Variants in FRMPD4 observed in about 807,000 individuals in gnomAD.
The protein encoded by FRMPD4 is FERM and PDZ domain-containing protein 4.
FRMPD4 carries 22 observed loss-of-function variants against 94.1 expected under a neutral mutation model. The observed-to-expected ratio is 0.23, with a 90% CI of 0.17 to 0.33. The LOEUF (loss-of-function observed/expected upper bound fraction) is 0.33. Ranked by LOEUF, FRMPD4 falls within the 10% of genes least tolerant of loss-of-function variation. FRMPD4 has a pLI of 1.00. For missense variants in FRMPD4, 1,111 were observed against 1,339.9 expected (o/e 0.83, Z 2.67); for synonymous variants, 631 against 548.6 (o/e 1.15, Z -2.10).
At chrX:12,170,796 G>A (rs1346505089) in intron 1 of FRMPD4, among the ~76,000 whole-genome samples, 2 of 112,869 alleles carry the variant, frequency 1.8e-5, no homozygotes, top group African/African-American at 3.2e-5. Context: ...GAACTCTGGA[G>A]CTTAACTCAT....
chrX:11,900,940 C>T (rs1234370992), intron 3 of FRMPD4, among the ~76,000 whole-genome samples: 1 of 111,265 alleles, frequency 9.0e-6, no homozygotes, highest in African/African-American at 3.3e-5. Flanking sequence ...TCAAGTTGTT[C>T]CCCCATGGCC....
intron 1 of FRMPD4, among the ~76,000 whole-genome samples, chrX:12,274,730 C>T (rs904482534): frequency 5.3e-5 from 6 of 112,467 alleles, no homozygotes; most frequent in Non-Finnish European, 7.5e-5. Context: ...GTACAGAAGG[C>T]GGGGCGCGGT....
intron 2 of FRMPD4, among the ~76,000 whole-genome samples, chrX:12,557,011 T>C (rs765763799): frequency 2.7e-5 from 3 of 111,620 alleles, no homozygotes; most frequent in Non-Finnish European, 5.6e-5. Flanking sequence ...TATCATATTA[T>C]CCAGGCTGGT....
At position 12,600,868 on chromosome X, in the gene FRMPD4, C is replaced by A. The variant is rs775103253; in HGVS notation, c.159-8853C>A. ...TCTGGTATCCTGTAGGGCTAGACAA[C>A]CATAGCATTTTTCTTGTTTAGAGTG... On this transcript the variant is annotated intron_variant, in intron 2 of 16. Transcript: ENST00000675598. Among the ~76,000 whole-genome samples the A allele has an allele frequency of 2.7e-5, 3 of 111,834 alleles. No homozygotes were observed. The East Asian group carries it at 8.3e-4, about 31-fold the overall frequency.
chrX:12,561,700 A>G (rs868128437), intron 2 of FRMPD4, among the ~76,000 whole-genome samples: 2 of 112,455 alleles, frequency 1.8e-5, no homozygotes, highest in Middle Eastern at 9.3e-3. Context: ...AATAGTTAAT[A>G]TTTATCTGGT....
chrX:12,015,923 A>G (rs776824740), intron 3 of FRMPD4, among the ~76,000 whole-genome samples: 2 of 112,300 alleles, frequency 1.8e-5, no homozygotes, highest in East Asian at 5.6e-4. Flanking sequence ...TCACAGAGCC[A>G]CCATACTCAT....
intron 3 of FRMPD4, among the ~76,000 whole-genome samples, chrX:12,126,119 G>A (rs1325843312): frequency 4.5e-5 from 5 of 112,284 alleles, no homozygotes; most frequent in Non-Finnish European, 9.4e-5. Context: ...ATGGCAGACA[G>A]AGCCTCAGTA....
chrX:12,233,421 C>G (rs1349266813), intron 1 of FRMPD4, among the ~76,000 whole-genome samples: 1 of 111,643 alleles, frequency 9.0e-6, no homozygotes, highest in Non-Finnish European at 1.9e-5. Context: ...TACATTTTAT[C>G]TGGCAACCCT....
chrX:12,591,818 C>A (rs189442566), intron 2 of FRMPD4, among the ~76,000 whole-genome samples: 8 of 111,916 alleles, frequency 7.1e-5, no homozygotes, highest in Non-Finnish European at 1.5e-4. Flanking sequence ...CTCCTTCTTG[C>A]ACTTGTTGAG....
chrX:11,872,611 A>G (rs775808968), intron 2 of FRMPD4, among the ~76,000 whole-genome samples: 8 of 112,228 alleles, frequency 7.1e-5, no homozygotes, highest in Admixed American at 5.7e-4. Flanking sequence ...TAGAGCCAAC[A>G]CTTCCTCAAT....
chrX:11,843,561 C>A (rs1198939126), intron 1 of FRMPD4, among the ~76,000 whole-genome samples: 1 of 109,940 alleles, frequency 9.1e-6, no homozygotes, highest in African/African-American at 3.3e-5. Context: ...CCTTTCTTTT[C>A]TTTCCTTTTT....
chrX:11,827,206 T>C (rs1391061715), intron 1 of FRMPD4, among the ~76,000 whole-genome samples: 1 of 106,559 alleles, frequency 9.4e-6, no homozygotes, highest in Non-Finnish European at 1.9e-5. Context: ...ATACCATATA[T>C]AAATTACATA....
chrX:12,331,441 C>T (rs1309209694), intron 1 of FRMPD4, among the ~76,000 whole-genome samples: 1 of 102,236 alleles, frequency 9.8e-6, no homozygotes, highest in Non-Finnish European at 2.0e-5. Flanking sequence ...ATGTTGGTAA[C>T]AAATAAAAGT....
In FRMPD4 at chrX:12,440,995, T is replaced by TCTAA. The variant is rs1220297723; in HGVS notation, c.42-57681_42-57678dup. Among the ~76,000 whole-genome samples the TCTAA allele has an allele frequency of 6.2e-5, 7 of 112,354 alleles. No homozygotes were observed. In the Admixed American group the frequency reaches 6.6e-4, roughly 11 times the overall value. On this transcript the variant is annotated intron_variant, in intron 1 of 16. Coordinates refer to ENST00000675598, the MANE Select transcript of FRMPD4 (RefSeq NM_001368397.1). The stretch of plus-strand genomic sequence containing the variant: ...TTCTTCTAATAGTTGTTCTAGTAGT[T>TCTAA]CTAACTAGATTTTGATGCTCATTTA...
chrX:12,011,572 A>C (rs2054580578), intron 3 of FRMPD4, among the ~76,000 whole-genome samples: 1 of 111,898 alleles, frequency 8.9e-6, no homozygotes, highest in Non-Finnish European at 1.9e-5. Context: ...GAAACCAAGC[A>C]ACCTTGAAGT....
At chrX:12,153,634 A>G (rs1309295632) in intron 1 of FRMPD4, among the ~76,000 whole-genome samples, 1 of 112,586 alleles carries the variant, frequency 8.9e-6, no homozygotes, top group Admixed American at 9.4e-5. Context: ...TATTATAGGT[A>G]TATGTGCTAA....
intron 1 of FRMPD4, among the ~76,000 whole-genome samples, chrX:12,165,497 T>TA (rs2056100967): frequency 8.9e-6 from 1 of 111,991 alleles, no homozygotes; most frequent in Non-Finnish European, 1.9e-5. Flanking sequence ...GCCTCCAGCT[T>TA]TGTTCTTTTG....
chrX:12,600,366 G>T (rs1320929871), intron 2 of FRMPD4, among the ~76,000 whole-genome samples: 1 of 112,165 alleles, frequency 8.9e-6, no homozygotes, highest in Non-Finnish European at 1.9e-5. Context: ...ACAATCCACT[G>T]AAATGCTTCA....
rs2042288081 is a variant in FRMPD4 at position 12,724,064 on chromosome X, G to C, written c.*2206G>C. 1 of 111,677 alleles carries C rather than the reference G, an allele frequency of 9.0e-6. No individual in the cohort carries two copies. Among genetic ancestry groups the C allele is most frequent in the South Asian group, 3.8e-4 (1 of 2,651 alleles). The allele number at this position is 111,677 out of a possible 1,213,427, so 9.2% of individuals were successfully genotyped here. On this transcript the variant is annotated 3_prime_UTR_variant, in exon 17 of 17. Coordinates refer to ENST00000675598, the MANE Select transcript of FRMPD4 (RefSeq NM_001368397.1). The stretch of plus-strand genomic sequence containing the variant: ...TATATTGCCCAAGATAATATGTGGG[G>C]GAATGTTTGTTTTATATGCATATTG...
Sources: gnomAD v4.1 joint callset for allele counts (sites outside exome capture counted in the v4.1 genomes callset) on GRCh38, gnomAD v4.1.1 for gene constraint, MANE v1.5 for transcripts, NCBI Gene and HGNC (gene_info 2026-07-23, HGNC 2026-07-21) for gene names.